The following H1-3 variants were observed in gnomAD, a reference collection of about 807,000 sequenced individuals.
H1-3 encodes histone H1.3.
H1-3 carries 4 observed loss-of-function variants against 3.6 expected under a neutral mutation model. That is an observed-to-expected ratio of 1.12 (90% CI 0.55 to 2.57). The LOEUF (loss-of-function observed/expected upper bound fraction) is 2.57. H1-3 is among the 30% of genes most tolerant of loss of function. The pLI is 0.02. For missense variants in H1-3, 670 were observed against 274.3 expected, an observed-to-expected ratio of 2.44 and a Z score of -10.19; for synonymous variants, 266 against 110.0, an observed-to-expected ratio of 2.42 and a Z score of -8.87.
Position 26,234,469 on chromosome 6 carries a change from A to C in H1-3, c.465T>G (p.Thr155=), listed in dbSNP as rs780060134. The change falls in exon 1 of 1, where the codon ACT becomes ACG. Residue 155 remains threonine (T), a synonymous_variant. Coordinates refer to ENST00000244534, the MANE Select transcript of H1-3 (RefSeq NM_005320.3). ...TTGCTGGCTTCTTTACCTTCTTAGG[A>C]GTCTTTTTGATGCTTTTCTTCGGGG... ...AATPKKSIKK[T]PKKVKKPATA... is the part of the protein sequence containing the mutation. The C allele has an allele frequency of 6.2e-7, 1 of 1,613,814 alleles. No homozygotes were observed. Among genetic ancestry groups the C allele is most frequent in the Non-Finnish European group, 8.5e-7 (1 of 1,179,956 alleles).
rs111312434 is a variant in H1-3 at position 26,234,945 on chromosome 6, C to A, written c.-12G>T. 6.3e-7 allele frequency: 1 copy of A among 1,585,884 alleles called. No individual in the cohort carries two copies. Among genetic ancestry groups the A allele is most frequent in the East Asian group, 2.2e-5 (1 of 44,678 alleles). On this transcript the variant is annotated 5_prime_UTR_variant, in exon 1 of 1. Coordinates refer to ENST00000244534, the MANE Select transcript of H1-3 (RefSeq NM_005320.3). ...GCAGTCTCCGACATGTTTTTGTCTT[C>A]CCAGAAAAGACAATAAGTAATCTCA...
In H1-3 at chr6:26,234,645, T is replaced by G. The variant is rs1387792118; in HGVS notation, c.289A>C (p.Thr97Pro). 3.1e-6 allele frequency: 5 copies of G among 1,614,054 alleles called. No individual in the cohort carries two copies. The East Asian group carries it at 6.7e-5, about 22-fold the overall frequency. The change falls in exon 1 of 1, where the codon ACC becomes CCC. Residue 97 changes from threonine to proline, a missense_variant. Thr to Pro is a conservative substitution (Grantham distance 38). Coordinates refer to ENST00000244534, the MANE Select transcript of H1-3 (RefSeq NM_005320.3). ...SLVSKGTLVQ[T>P]KGTGASGSFK... ...GAGCCAGAAGCACCGGTACCTTTGGTCTGCACCAGAGTACCTTTGCTCACC... is the reference window on the plus strand; with the variant it reads ...GAGCCAGAAGCACCGGTACCTTTGGGCTGCACCAGAGTACCTTTGCTCACC...
At position 26,234,251 on chromosome 6, in the gene H1-3, G is replaced by A. The variant is rs1300545235; in HGVS notation, c.*17C>T. 2.5e-6 allele frequency: 4 copies of A among 1,578,666 alleles called. No homozygotes were observed. Among genetic ancestry groups the A allele is most frequent in the South Asian group, 2.3e-5 (2 of 85,450 alleles). On this transcript the variant is annotated 3_prime_UTR_variant, in exon 1 of 1. Coordinates refer to ENST00000244534, the MANE Select transcript of H1-3 (RefSeq NM_005320.3). ...AAGAGCCGTTTAAAATTTTCAAAGG[G>A]GAACGTCCCGCCAGTTTCACTTTTT...
Position 26,234,652 on chromosome 6 carries a change from C to A in H1-3, c.282G>T (p.Leu94=). 6.2e-7 allele frequency: 1 copy of A among 1,614,144 alleles called. No homozygotes were observed. The highest frequency in any genetic ancestry group is 8.5e-7 in the Non-Finnish European group (1 of 1,180,026). Residue 94 remains leucine (L), a synonymous_variant, in exon 1 of 1, where the codon CTG becomes CTT. Coordinates refer to ENST00000244534, the MANE Select transcript of H1-3 (RefSeq NM_005320.3). ...GLKSLVSKGT[L]VQTKGTGASG... is the part of the protein sequence containing the mutation. ...AAGCACCGGTACCTTTGGTCTGCAC[C>A]AGAGTACCTTTGCTCACCAAGCTCT...
Position 26,234,656 on chromosome 6 carries a change from G to C in H1-3, c.278C>G (p.Thr93Ser), listed in dbSNP as rs374396004. Residue 93 changes from threonine to serine, a missense_variant, in exon 1 of 1, where the codon ACT (threonine) becomes AGT (serine). Coordinates refer to ENST00000244534, the MANE Select transcript of H1-3 (RefSeq NM_005320.3). ...LGLKSLVSKG[T>S]LVQTKGTGAS... ...ACCGGTACCTTTGGTCTGCACCAGAGTACCTTTGCTCACCAAGCTCTTGAG... is the reference window on the plus strand; with the variant it reads ...ACCGGTACCTTTGGTCTGCACCAGACTACCTTTGCTCACCAAGCTCTTGAG... 6.8e-6 allele frequency: 11 copies of C among 1,614,070 alleles called. No homozygotes were observed. The highest frequency in any genetic ancestry group is 4.2e-6 in the Non-Finnish European group (5 of 1,180,034).
rs199608414 is a variant in H1-3 at position 26,234,256 on chromosome 6, G to A, written c.*12C>T. 254 of 1,583,664 alleles carry A rather than the reference G, an allele frequency of 1.6e-4. No individual in the cohort carries two copies. In the African/African-American group the frequency reaches 3.2e-3, roughly 20 times the overall value. ...CCGTTTAAAATTTTCAAAGGGGAACGTCCCGCCAGTTTCACTTTTTCTTCG... is the reference window on the plus strand; with the variant it reads ...CCGTTTAAAATTTTCAAAGGGGAACATCCCGCCAGTTTCACTTTTTCTTCG... On this transcript the variant is annotated 3_prime_UTR_variant, in exon 1 of 1. Coordinates refer to ENST00000244534, the MANE Select transcript of H1-3 (RefSeq NM_005320.3).
rs140268442 is a variant in H1-3 at position 26,234,327 on chromosome 6, G to A, written c.607C>T (p.Pro203Ser). The A allele has an allele frequency of 6.2e-6, 10 of 1,613,672 alleles. No individual in the cohort carries two copies. Among genetic ancestry groups the A allele is most frequent in the African/African-American group, 4.0e-5 (3 of 74,952 alleles). ...GTAACCTTCGGCTTCCCCGACTTAG[G>A]CTTGGCCGCCTTGGGCTTAGGGGCT... ...AKAPKPKAAK[P>S]KSGKPKVTKA... The change falls in exon 1 of 1, where the codon CCT (proline) becomes TCT (serine). Residue 203 changes from proline (P) to serine (S), a missense_variant. Physicochemically the swap from Pro to Ser is moderately conservative, Grantham distance 74 (BLOSUM62 -1). Transcript: ENST00000244534.
At position 26,234,225 on chromosome 6, in the gene H1-3, AAAG is replaced by A; in HGVS notation, c.*40_*42del. 3 of 1,548,582 alleles carry A rather than the reference AAAG, an allele frequency of 1.9e-6. No homozygotes were observed. The highest frequency in any genetic ancestry group is 2.6e-6 in the Non-Finnish European group (3 of 1,150,402). ...GACTGAGACCTGTGGGTGGCTCTGAAAAGAGCCGTTTAAAATTTTCAAAGGGGA... is the reference window on the plus strand; with the variant it reads ...GACTGAGACCTGTGGGTGGCTCTGAAAGCCGTTTAAAATTTTCAAAGGGGA... On this transcript the variant is annotated 3_prime_UTR_variant, in exon 1 of 1. Transcript: ENST00000244534.
In H1-3 at chr6:26,234,465, T is replaced by A; in HGVS notation, c.469A>T (p.Lys157Ter). Residue 157 changes from lysine to a stop codon, truncating the protein, a stop_gained, in exon 1 of 1, where the codon AAG becomes TAG. Coordinates refer to ENST00000244534, the MANE Select transcript of H1-3 (RefSeq NM_005320.3). LOFTEE classifies it low-confidence loss of function (END_TRUNC). Reference sequence around the variant, plus strand: ...GCGGTTGCTGGCTTCTTTACCTTCTTAGGAGTCTTTTTGATGCTTTTCTTC... The same window carrying A: ...GCGGTTGCTGGCTTCTTTACCTTCTAAGGAGTCTTTTTGATGCTTTTCTTC... Reference protein sequence around the residue: ...TPKKSIKKTPKKVKKPATAAG... With the variant: ...TPKKSIKKTP The A allele has an allele frequency of 6.2e-7, 1 of 1,614,104 alleles. No homozygotes were observed. Among genetic ancestry groups the A allele is most frequent in the Non-Finnish European group, 8.5e-7 (1 of 1,179,962 alleles).
Position 26,234,378 on chromosome 6 carries a change from CT to C in H1-3, c.555del (p.Ala186LeufsTer?). ...TTGGCCTTAGCTGGACTCTTGGCAG[CT>C]TTTTTTGGCTGAGGTGTTTTCACCT... ...AKKVKTPQPK[K>X]AAKSPAKAKA... On this transcript the variant is annotated frameshift_variant, in exon 1 of 1. Coordinates refer to ENST00000244534, the MANE Select transcript of H1-3 (RefSeq NM_005320.3). LOFTEE classifies it low-confidence loss of function (END_TRUNC). 1 of 1,594,936 alleles carries C rather than the reference CT, an allele frequency of 6.3e-7. No individual in the cohort carries two copies. Among genetic ancestry groups the C allele is most frequent in the Non-Finnish European group, 8.6e-7 (1 of 1,166,302 alleles).
chr6:26,234,582 T>G lies in H1-3; in HGVS notation c.352A>C (p.Lys118Gln). The change falls in exon 1 of 1, where the codon AAA (lysine) becomes CAA (glutamine). Residue 118 changes from lysine (K) to glutamine (Q), a missense_variant. Coordinates refer to ENST00000244534, the MANE Select transcript of H1-3 (RefSeq NM_005320.3). ...LNKKAASGEGKPKAKKAGAAK... is the reference protein window; with the variant it reads ...LNKKAASGEGQPKAKKAGAAK... ...GCGCCAGCCTTTTTGGCCTTGGGTT[T>G]GCCTTCCCCGGAAGCCGCTTTCTTG... is the stretch of plus-strand genomic sequence containing the variant. 6.2e-7 allele frequency: 1 copy of G among 1,613,852 alleles called. No individual in the cohort carries two copies.
rs752054640 is a variant in H1-3, at chr6:26,234,384, T to G, written c.550A>C (p.Lys184Gln). 1 of 1,614,242 alleles carries G rather than the reference T, an allele frequency of 6.2e-7. No individual in the cohort carries two copies. The highest frequency in any genetic ancestry group is 1.1e-5 in the South Asian group (1 of 91,086). Residue 184 changes from lysine to glutamine, a missense_variant, in exon 1 of 1, where the codon AAA (lysine) becomes CAA (glutamine). By Grantham distance (53) the Lys-to-Gln change is moderately conservative. Transcript: ENST00000244534. ...TTAGCTGGACTCTTGGCAGCTTTTTTTGGCTGAGGTGTTTTCACCTTTTTC... is the reference window on the plus strand; with the variant it reads ...TTAGCTGGACTCTTGGCAGCTTTTTGTGGCTGAGGTGTTTTCACCTTTTTC... ...SAKKVKTPQP[K>Q]KAAKSPAKAK...
rs1045298001 is a variant in H1-3 at position 26,234,700 on chromosome 6, G to A, written c.234C>T (p.Asn78=). The change falls in exon 1 of 1, where the codon AAC becomes AAT. Residue 78 remains asparagine, a synonymous_variant. Coordinates refer to ENST00000244534, the MANE Select transcript of H1-3 (RefSeq NM_005320.3). ...AAAGYDVEKN[N]SRIKLGLKSL... ...TCTTGAGGCCAAGCTTGATACGGCT[G>A]TTGTTTTTTTCTACATCGTAGCCAG... The A allele has an allele frequency of 1.2e-6, 2 of 1,613,634 alleles. No individual in the cohort carries two copies. The highest frequency in any genetic ancestry group is 2.7e-5 in the African/African-American group (2 of 74,862).
chr6:26,234,617 AAGGAGC>A lies in H1-3; in HGVS notation c.311_316del (p.Gly104_Phe106delinsVal). ...GGAAGCCGCTTTCTTGTTGAGTTTG[AAGGAGC>A]CAGAAGCACCGGTACCTTTGGTCTG... On this transcript the variant is annotated inframe_deletion, in exon 1 of 1. Coordinates refer to ENST00000244534, the MANE Select transcript of H1-3 (RefSeq NM_005320.3). The A allele has an allele frequency of 6.2e-7, 1 of 1,614,040 alleles. No homozygotes were observed. The highest frequency in any genetic ancestry group is 8.5e-7 in the Non-Finnish European group (1 of 1,180,018).
At position 26,234,732 on chromosome 6, in the gene H1-3, C is replaced by T; in HGVS notation, c.202G>A (p.Ala68Thr). Residue 68 changes from alanine (A) to threonine (T), a missense_variant, in exon 1 of 1, where the codon GCG becomes ACG. Physicochemically the swap from Ala to Thr is moderately conservative, Grantham distance 58 (BLOSUM62 0). Transcript: ENST00000244534. ...TTTTCTACATCGTAGCCAGCAGCCGCAAGCGCTTTCTTAAGCGCGGCCAGA... is the reference window on the plus strand; with the variant it reads ...TTTTCTACATCGTAGCCAGCAGCCGTAAGCGCTTTCTTAAGCGCGGCCAGA... ...VSLAALKKAL[A>T]AAGYDVEKNN... 1.2e-6 allele frequency: 2 copies of T among 1,613,762 alleles called. No individual in the cohort carries two copies. The highest frequency in any genetic ancestry group is 1.7e-6 in the Non-Finnish European group (2 of 1,179,928).
Position 26,234,875 on chromosome 6 carries a change from A to G in H1-3, c.59T>C (p.Val20Ala), listed in dbSNP as rs201632466. Residue 20 changes from valine (V) to alanine (A), a missense_variant, in exon 1 of 1, where the codon GTG (valine) becomes GCG (alanine). By Grantham distance (64) the Val-to-Ala change is moderately conservative. Coordinates refer to ENST00000244534, the MANE Select transcript of H1-3 (RefSeq NM_005320.3). ...GCCTGCCTTCTTCGCCTTTTTCTTC[A>G]CAGGTGTTTTTTCTGCGGGTGCAGG... ...TIPAPAEKTP[V>A]KKKAKKAGAT... 1 of 1,613,246 alleles carries G rather than the reference A, an allele frequency of 6.2e-7. No homozygotes were observed. The highest frequency in any genetic ancestry group is 2.2e-5 in the East Asian group (1 of 44,868).
rs1759750966 is a variant in H1-3 at position 26,234,762 on chromosome 6, C to T, written c.172G>A (p.Val58Ile). The T allele has an allele frequency of 1.9e-6, 3 of 1,614,056 alleles. No homozygotes were observed. The highest frequency in any genetic ancestry group is 2.2e-5 in the East Asian group (1 of 44,896). ...GCTTTCTTAAGCGCGGCCAGAGAAA[C>T]GCCGCTGCGCTCCTTAGAAGCTGCC... ...AVAASKERSGVSLAALKKALA... is the reference protein window; with the variant it reads ...AVAASKERSGISLAALKKALA... Residue 58 changes from valine (V) to isoleucine (I), a missense_variant, in exon 1 of 1, where the codon GTT becomes ATT. Val to Ile is a conservative substitution (Grantham distance 29). Coordinates refer to ENST00000244534, the MANE Select transcript of H1-3 (RefSeq NM_005320.3).
rs1295541917 is a variant in H1-3, at chr6:26,234,752, G to A, written c.182C>T (p.Ala61Val). The A allele has an allele frequency of 6.8e-6, 11 of 1,614,050 alleles. No homozygotes were observed. The highest frequency in any genetic ancestry group is 1.3e-5 in the African/African-American group (1 of 74,918). ...ASKERSGVSL[A>V]ALKKALAAAG... is the part of the protein sequence containing the mutation. Reference sequence around the variant, plus strand: ...AGCCGCAAGCGCTTTCTTAAGCGCGGCCAGAGAAACGCCGCTGCGCTCCTT... The same window carrying A: ...AGCCGCAAGCGCTTTCTTAAGCGCGACCAGAGAAACGCCGCTGCGCTCCTT... The change falls in exon 1 of 1, where the codon GCC becomes GTC. Residue 61 changes from alanine to valine, a missense_variant. Coordinates refer to ENST00000244534, the MANE Select transcript of H1-3 (RefSeq NM_005320.3).
In H1-3 at chr6:26,234,432, T is replaced by G; in HGVS notation, c.502A>C (p.Thr168Pro). The change falls in exon 1 of 1, where the codon ACC becomes CCC. Residue 168 changes from threonine to proline, a missense_variant. Coordinates refer to ENST00000244534, the MANE Select transcript of H1-3 (RefSeq NM_005320.3). The stretch of plus-strand genomic sequence containing the variant: ...TTCGCACTCTTGGCCACTTTCTTGG[T>G]CCCAGCAGCGGTTGCTGGCTTCTTT... ...KVKKPATAAGTKKVAKSAKKV... is the reference protein window; with the variant it reads ...KVKKPATAAGPKKVAKSAKKV... 1 of 1,614,136 alleles carries G rather than the reference T, an allele frequency of 6.2e-7. No individual in the cohort carries two copies. Among genetic ancestry groups the G allele is most frequent in the Non-Finnish European group, 8.5e-7 (1 of 1,179,966 alleles).
Sources: allele counts gnomAD v4.1 joint callset, GRCh38; gene constraint gnomAD v4.1.1; transcripts MANE v1.5; gene names NCBI Gene and HGNC (gene_info 2026-07-23, HGNC 2026-07-21).